The following ROCK1 variants were observed in gnomAD, a reference collection of about 807,000 sequenced individuals.
ROCK1 encodes rho-associated protein kinase 1.
Under a neutral mutation model 196.8 loss-of-function variants are expected in ROCK1, and 36 were observed. That is an observed-to-expected ratio of 0.18 (90% CI 0.14 to 0.24). ROCK1 has a LOEUF of 0.24. Among genes scored for constraint, ROCK1 ranks in the 10% least tolerant of loss-of-function variants. The probability of loss-of-function intolerance (pLI) is 1.00; values close to 1 mark genes in which losing one functional copy is unlikely to be tolerated. For missense variants in ROCK1, 920 were observed against 1,562.0 expected, an observed-to-expected ratio of 0.59 and a Z score of 6.93; for synonymous variants, 443 against 515.9, an observed-to-expected ratio of 0.86 and a Z score of 1.91.
rs199679672 is a variant in ROCK1, at chr18:20,955,077, TAAA to T, written c.3592-36_3592-34del. 2,199 of 1,538,838 alleles carry T rather than the reference TAAA, an allele frequency of 1.4e-3. 25 individuals carry two copies. The Admixed American group carries it at 0.039, about 28-fold the overall frequency. On this transcript the variant is annotated intron_variant, in intron 30 of 32. Transcript: ENST00000399799. Reference sequence around the variant, plus strand: ...CAGGAATGGTGAAAGGAAAAGATTTTAAAAATCTTAAGCATTGGTATATTTTAC... The same window carrying T: ...CAGGAATGGTGAAAGGAAAAGATTTTAATCTTAAGCATTGGTATATTTTAC...
At chr18:20,957,925 G>A (rs1488029445) in intron 29 of ROCK1, among the ~76,000 whole-genome samples, 2 of 152,096 alleles carry the variant, frequency 1.3e-5, no homozygotes, top group Non-Finnish European at 1.5e-5. Flanking sequence ...TGGGATTAGA[G>A]GCATAACCAC....
intron 13 of ROCK1, among the ~76,000 whole-genome samples, chr18:21,012,072 TG>T (rs2035823764): frequency 6.6e-6 from 1 of 152,090 alleles, no homozygotes; most frequent in Non-Finnish European, 1.5e-5. Context: ...CTCAGCCTCC[TG>T]AGTAGCTAGG....
At chr18:21,066,628 A>G (rs1256711256) in intron 2 of ROCK1, among the ~76,000 whole-genome samples, 1 of 152,244 alleles carries the variant, frequency 6.6e-6, no homozygotes, top group African/African-American at 2.4e-5. Flanking sequence ...CCTCAACCAT[A>G]GGATTTCTAG....
intron 11 of ROCK1, 134 bp from the exon 12 acceptor site, chr18:21,020,373 T>C (rs1413155725): frequency 4.2e-5 from 19 of 456,276 alleles, no homozygotes; most frequent in African/African-American, 3.7e-4. Context: ...CTATCTCAAT[T>C]TTTTTATTAT....
At chr18:21,006,881 G>A in intron 14 of ROCK1, 91 bp from the exon 15 acceptor site, 3 of 892,894 alleles carry the variant, frequency 3.4e-6, no homozygotes, top group Non-Finnish European at 5.0e-6. Context: ...TTTAGTCTTA[G>A]GCCATAATAG....
At chr18:21,064,458 G>A (rs2036317379) in intron 2 of ROCK1, among the ~76,000 whole-genome samples, 1 of 152,158 alleles carries the variant, frequency 6.6e-6, no homozygotes, top group Non-Finnish European at 1.5e-5. Context: ...TCCATGAGAT[G>A]GTAAGAGCTA....
At chr18:20,981,905 A>T (rs897208522) in intron 21 of ROCK1, among the ~76,000 whole-genome samples, 4 of 152,266 alleles carry the variant, frequency 2.6e-5, no homozygotes, top group African/African-American at 7.2e-5. Context: ...AAAGAAAAAT[A>T]ATCTGATTTG....
At chr18:21,078,157 C>T (rs1378983072) in intron 1 of ROCK1, among the ~76,000 whole-genome samples, 1 of 152,096 alleles carries the variant, frequency 6.6e-6, no homozygotes, top group Non-Finnish European at 1.5e-5. Flanking sequence ...GGCGAAACCC[C>T]GTCTCTACTA....
At chr18:21,009,292 C>T (rs1169746141) in intron 13 of ROCK1, among the ~76,000 whole-genome samples, 2 of 149,486 alleles carry the variant, frequency 1.3e-5, no homozygotes, top group East Asian at 3.9e-4. Context: ...GGATTACAGG[C>T]GTGAGTCACC....
In ROCK1 at chr18:21,045,194, C is replaced by T. The variant is rs974794385; in HGVS notation, c.590+98G>A. The stretch of plus-strand genomic sequence containing the variant: ...GTTCTGAAAGGTCACTTATGTCATA[C>T]GGAAGAAGAATGGGTGAACTGAGAG... On this transcript the variant is annotated intron_variant, in intron 5 of 32. Coordinates refer to ENST00000399799, the MANE Select transcript of ROCK1 (RefSeq NM_005406.3). 2.8e-5 allele frequency: 31 copies of T among 1,107,676 alleles called. 1 individual carries two copies. In the Admixed American group the frequency reaches 6.3e-4, roughly 23 times the overall value. 68.6% of individuals were successfully genotyped at this position (1,107,676 alleles called of 1,614,324 possible).
chr18:20,990,693 CAA>C (rs1170099682), intron 18 of ROCK1, among the ~76,000 whole-genome samples: 456 of 22,528 alleles, frequency 0.02, 1 homozygote, highest in African/African-American at 0.04. Flanking sequence ...AACTTCGTCT[CAA>C]AAAAAAAAAA....
chr18:21,105,504 A>C (rs1304178207), intron 1 of ROCK1, among the ~76,000 whole-genome samples: 1 of 152,178 alleles, frequency 6.6e-6, no homozygotes, highest in African/African-American at 2.4e-5. Context: ...TACCCCCAAA[A>C]CAGATCAATT....
At chr18:20,970,623 T>C in intron 22 of ROCK1, 110 bp from the exon 23 acceptor site, 2 of 724,426 alleles carry the variant, frequency 2.8e-6, no homozygotes, top group Non-Finnish European at 4.3e-6. Context: ...AGAATTATTT[T>C]ATTGCTTAAA....
intron 1 of ROCK1, among the ~76,000 whole-genome samples, chr18:21,084,482 G>T (rs1039505072): frequency 3.9e-5 from 6 of 152,024 alleles, no homozygotes; most frequent in Admixed American, 3.9e-4. Flanking sequence ...GACAGAAATG[G>T]CCAATAAGCA....
chr18:21,007,045 A>G (rs2035774591), intron 14 of ROCK1, among the ~76,000 whole-genome samples: 1 of 152,118 alleles, frequency 6.6e-6, no homozygotes. Flanking sequence ...TTCCCTTTAT[A>G]AGATCACTGA....
intron 27 of ROCK1, among the ~76,000 whole-genome samples, chr18:20,961,788 C>T (rs1263431071): frequency 6.6e-6 from 1 of 150,830 alleles, no homozygotes; most frequent in Admixed American, 6.6e-5. Flanking sequence ...TCAAAATGAT[C>T]CCTCTCTTCT....
intron 22 of ROCK1, among the ~76,000 whole-genome samples, chr18:20,979,092 C>CT (rs2035506641): frequency 6.6e-6 from 1 of 152,070 alleles, no homozygotes; most frequent in South Asian, 2.1e-4. Flanking sequence ...CTTGAAATAG[C>CT]TTTATAAGGT....
intron 1 of ROCK1, among the ~76,000 whole-genome samples, chr18:21,071,560 G>A (rs1042597582): frequency 6.6e-6 from 1 of 152,086 alleles, no homozygotes; most frequent in African/African-American, 2.4e-5. Context: ...GTGTTGAAGT[G>A]GGAAAGCATC....
intron 9 of ROCK1, among the ~76,000 whole-genome samples, chr18:21,033,499 A>G (rs920079395): frequency 6.6e-6 from 1 of 152,126 alleles, no homozygotes; most frequent in Non-Finnish European, 1.5e-5. Flanking sequence ...GGCAAGAATG[A>G]TAAATAAAAG....
Sources: allele counts gnomAD v4.1 joint callset (sites outside exome capture counted in the v4.1 genomes callset), GRCh38; gene constraint gnomAD v4.1.1; transcripts MANE v1.5; gene names NCBI Gene and HGNC (gene_info 2026-07-23, HGNC 2026-07-21).